Variants in BBS4 observed in about 807,000 individuals in gnomAD.
BBS4 encodes BBSome complex member BBS4.
Under a neutral mutation model 71.4 loss-of-function variants are expected in BBS4, and 58 were observed. That is an observed-to-expected ratio of 0.81 (90% CI 0.66 to 1.01). The LOEUF is 1.01. Ranked by LOEUF, BBS4 falls within the 50% of genes least tolerant of loss-of-function variation. The probability of loss-of-function intolerance (pLI) is 0.00; values close to 1 mark genes in which losing one functional copy is unlikely to be tolerated. For synonymous variants in BBS4, 228 were observed against 216.8 expected, an observed-to-expected ratio of 1.05 and a Z score of -0.46; for missense variants, 660 against 607.9, an observed-to-expected ratio of 1.09 and a Z score of -0.90.
chr15:72,696,039 A>G (rs2065070706), intron 2 of BBS4, among the ~76,000 whole-genome samples: 1 of 152,248 alleles, frequency 6.6e-6, no homozygotes, highest in Non-Finnish European at 1.5e-5. Context: ...ACAGATATTC[A>G]TATTCTTACT....
At chr15:72,712,379 A>G (rs895411083) in intron 4 of BBS4, 72 bp downstream of exon 4, 13 of 1,447,146 alleles carry the variant, frequency 9.0e-6, no homozygotes, top group South Asian at 3.5e-5. Flanking sequence ...AGATCAGGCA[A>G]TTGAAGAAAC....
At chr15:72,688,431 T>TTTTTTTTTTTTTTTTTTTTTTA (rs2064918566) in intron 1 of BBS4, among the ~76,000 whole-genome samples, 1 of 144,580 alleles carries the variant, frequency 6.9e-6, no homozygotes, top group Non-Finnish European at 1.5e-5. Context: ...TTTTTTTTTT[T>TTTTTTTTTTTTTTTTTTTTTTA]GAGACGGAGT....
rs2065778932 is a variant in BBS4, at chr15:72,729,907, C to A, written c.711+223C>A. On this transcript the variant is annotated intron_variant, in intron 10 of 15. Transcript: ENST00000268057. ...TGTTATAATAGACGTGTAACCCCTG[C>A]AGAAGGCAGATCATAGTGCTAGTAA... Among the ~76,000 whole-genome samples, 3 of 152,202 alleles carry A rather than the reference C, an allele frequency of 2.0e-5. No homozygotes were observed. The South Asian group carries it at 6.2e-4, about 32-fold the overall frequency.
chr15:72,734,516 A>G (rs1274533422), intron 12 of BBS4, among the ~76,000 whole-genome samples: 1 of 152,102 alleles, frequency 6.6e-6, no homozygotes, highest in African/African-American at 2.4e-5. Flanking sequence ...CAGTGCAAGG[A>G]CTTTATCTTA....
In BBS4 at chr15:72,738,291, AAAG is replaced by A. The variant is rs2065967522; in HGVS notation, c.*705_*707del. ...ATCAGCACCAACGATTTTAAAGAAA[AAAG>A]GAAGAGTTTCTTAGATGAGTAATTG... On this transcript the variant is annotated 3_prime_UTR_variant, in exon 16 of 16. Coordinates refer to ENST00000268057, the MANE Select transcript of BBS4 (RefSeq NM_033028.5). 1 of 453,978 alleles carries A rather than the reference AAAG, an allele frequency of 2.2e-6. No homozygotes were observed. The highest frequency in any genetic ancestry group is 2.0e-5 in the African/African-American group (1 of 50,002). The allele number at this position is 453,978 out of a possible 1,614,324, so 28.1% of individuals were successfully genotyped here. A position where few individuals can be genotyped will look rare whatever the true frequency, so the allele number is the denominator to read the frequency against.
At chr15:72,719,970 C>T (rs928131489) in intron 6 of BBS4, among the ~76,000 whole-genome samples, 3 of 151,700 alleles carry the variant, frequency 2.0e-5, no homozygotes, top group South Asian at 2.1e-4. Flanking sequence ...AGGCTGGTCT[C>T]GAGCTCCTGA....
At chr15:72,729,557 A>C in intron 9 of BBS4, 59 bp from the exon 10 acceptor site, 1 of 1,541,446 alleles carries the variant, frequency 6.5e-7, no homozygotes, top group Non-Finnish European at 9.0e-7. Flanking sequence ...GTCTGGCCAG[A>C]CTCTTTTAAC....
intron 15 of BBS4, 198 bp downstream of exon 15, chr15:72,737,161 T>G: frequency 1.5e-6 from 1 of 672,204 alleles, no homozygotes; most frequent in Admixed American, 2.4e-5. Context: ...AGGTAACAGC[T>G]ACTCACAGAC....
intron 1 of BBS4, among the ~76,000 whole-genome samples, chr15:72,691,857 G>C (rs1008053583): frequency 1.3e-5 from 2 of 152,078 alleles, no homozygotes; most frequent in African/African-American, 4.8e-5. Context: ...CTGCTACTCG[G>C]GAGGCTGAGG....
At chr15:72,719,717 T>C (rs1832212176) in intron 6 of BBS4, among the ~76,000 whole-genome samples, 1 of 151,810 alleles carries the variant, frequency 6.6e-6, no homozygotes, top group Non-Finnish European at 1.5e-5. Flanking sequence ...CCATTGTTAC[T>C]AGTAGATGTG....
At position 72,710,195 on chromosome 15, in the gene BBS4, G is replaced by GTTCTTTTTTTTTTTT. The variant is rs1239689474; in HGVS notation, c.156+418_156+419insCTTTTTTTTTTTTTT. Among the ~76,000 whole-genome samples the GTTCTTTTTTTTTTTT allele has an allele frequency of 1.2e-4, 12 of 103,436 alleles. 1 individual carries two copies. Among genetic ancestry groups the GTTCTTTTTTTTTTTT allele is most frequent in the African/African-American group, 4.0e-4 (11 of 27,228 alleles). 67.9% of individuals were successfully genotyped at this position (103,436 alleles called of 152,430 possible). A position where few individuals can be genotyped will look rare whatever the true frequency, so the allele number is the denominator to read the frequency against. ...TAGATGAAAAATGGTATTTTGTCGA[G>GTTCTTTTTTTTTTTT]TTTTTTTTTTTTTTTTTTTTTTTTT... is the stretch of plus-strand genomic sequence containing the variant. On this transcript the variant is annotated intron_variant, in intron 3 of 15. Transcript: ENST00000268057.
Position 72,698,067 on chromosome 15 carries a change from A to G in BBS4, c.76+2839A>G, listed in dbSNP as rs372165235. ...GCGAACTGATTTACTGCTTGAGTCT[A>G]TTTTCTTCCTTAAAGGAGTCTTCAT... On this transcript the variant is annotated intron_variant, in intron 2 of 15. Coordinates refer to ENST00000268057, the MANE Select transcript of BBS4 (RefSeq NM_033028.5). The G allele has an allele frequency of 6.4e-3, 2,899 of 455,122 alleles. 98 individuals carry two copies. The highest frequency in any genetic ancestry group is 0.044 in the South Asian group (2,824 of 64,478). 28.2% of individuals were successfully genotyped at this position (455,122 alleles called of 1,614,324 possible).
intron 1 of BBS4, among the ~76,000 whole-genome samples, chr15:72,694,014 A>G (rs1254815167): frequency 1.3e-5 from 2 of 151,786 alleles, no homozygotes; most frequent in Non-Finnish European, 2.9e-5. Context: ...CCTCCCAAGT[A>G]GCTGGGATTA....
Position 72,706,849 on chromosome 15 carries a change from A to AG in BBS4, c.77-2851_77-2850insG, listed in dbSNP as rs1301377571. On this transcript the variant is annotated intron_variant, in intron 2 of 15. Transcript: ENST00000268057. Reference sequence around the variant, plus strand: ...ACTTCTTTTTTATTTTTTTAAAAAAATTAAATTTTTTGTTGAAATGAGGGT... The same window carrying AG: ...ACTTCTTTTTTATTTTTTTAAAAAAAGTTAAATTTTTTGTTGAAATGAGGGT... Among the ~76,000 whole-genome samples the AG allele has an allele frequency of 5.9e-5, 9 of 152,184 alleles. No homozygotes were observed. The East Asian group carries it at 1.7e-3, about 29-fold the overall frequency.
At chr15:72,730,194 G>A (rs796165817) in intron 10 of BBS4, among the ~76,000 whole-genome samples, 3 of 151,714 alleles carry the variant, frequency 2.0e-5, no homozygotes, top group Non-Finnish European at 2.9e-5. Context: ...GGAGAATGGC[G>A]TGAACCCGGG....
At chr15:72,733,158 G>C (rs1018782023) in intron 12 of BBS4, among the ~76,000 whole-genome samples, 26 of 152,156 alleles carry the variant, frequency 1.7e-4, no homozygotes, top group Non-Finnish European at 1.5e-5. Flanking sequence ...CAAAACATCA[G>C]AATAAAAAGG....
intron 3 of BBS4, among the ~76,000 whole-genome samples, chr15:72,710,082 T>C (rs1029782397): frequency 6.6e-6 from 1 of 151,950 alleles, no homozygotes; most frequent in African/African-American, 2.4e-5. Flanking sequence ...TGTCTTCTCA[T>C]GTCAAGAGCA....
intron 3 of BBS4, among the ~76,000 whole-genome samples, chr15:72,711,706 TG>T (rs1271483686): frequency 6.6e-6 from 1 of 152,212 alleles, no homozygotes; most frequent in Non-Finnish European, 1.5e-5. Flanking sequence ...ATACAGGGCC[TG>T]TAAGCCCTGT....
intron 10 of BBS4, among the ~76,000 whole-genome samples, chr15:72,730,286 A>T (rs76956396): frequency 4.1e-4 from 62 of 151,012 alleles, no homozygotes; most frequent in South Asian, 1.7e-3. Context: ...CTCAAAAAAA[A>T]AAAAAATAAA....
Sources: allele counts gnomAD v4.1 joint callset (sites outside exome capture counted in the v4.1 genomes callset), GRCh38; gene constraint gnomAD v4.1.1; transcripts MANE v1.5; gene names NCBI Gene and HGNC (gene_info 2026-07-23, HGNC 2026-07-21).